Variants in CCSER1 observed in about 807,000 individuals in gnomAD.
The protein encoded by CCSER1 is serine-rich coiled-coil domain-containing protein 1.
CCSER1 carries 41 observed loss-of-function variants against 82.0 expected under a neutral mutation model. That is an observed-to-expected ratio of 0.50 (90% CI 0.39 to 0.65). CCSER1 has a LOEUF of 0.65. CCSER1 is among the 30% of genes least tolerant of loss of function. CCSER1 has a pLI of 0.00. For missense variants in CCSER1, 1,119 were observed against 1,064.2 expected (o/e 1.05, Z -0.72); for synonymous variants, 414 against 383.9 (o/e 1.08, Z -0.92).
intron 1 of CCSER1, among the ~76,000 whole-genome samples, chr4:90,131,121 C>A (rs909491196): frequency 6.6e-6 from 1 of 152,158 alleles, no homozygotes; most frequent in Admixed American, 6.5e-5. Context: ...CCTCAGCTCC[C>A]TGAGTAGCTG....
intron 5 of CCSER1, among the ~76,000 whole-genome samples, chr4:90,607,844 C>G (rs938266430): frequency 6.6e-6 from 1 of 152,094 alleles, no homozygotes; most frequent in African/African-American, 2.4e-5. Flanking sequence ...TTCAACTTGC[C>G]TTTTCCCTTC....
intron 4 of CCSER1, among the ~76,000 whole-genome samples, chr4:90,402,487 G>A (rs1412868179): frequency 1.3e-5 from 2 of 152,136 alleles, no homozygotes; most frequent in Non-Finnish European, 2.9e-5. Context: ...ACAAGTATGA[G>A]TAAGGAAATA....
At chr4:90,914,131 G>C (rs1161355489) in intron 8 of CCSER1, among the ~76,000 whole-genome samples, 1 of 152,148 alleles carries the variant, frequency 6.6e-6, no homozygotes, top group Non-Finnish European at 1.5e-5. Flanking sequence ...ATTCAGCTGT[G>C]CACCAAGTGG....
chr4:91,127,341 C>G (rs894742553), intron 10 of CCSER1, among the ~76,000 whole-genome samples: 2 of 152,036 alleles, frequency 1.3e-5, no homozygotes, highest in African/African-American at 4.8e-5. Flanking sequence ...ACTTCTACTT[C>G]AAAACAGGTT....
intron 9 of CCSER1, among the ~76,000 whole-genome samples, chr4:91,026,290 C>T (rs1740484071): frequency 6.6e-6 from 1 of 152,022 alleles, no homozygotes. Context: ...CCTTTTTCTC[C>T]TATGTCCATT....
intron 1 of CCSER1, among the ~76,000 whole-genome samples, chr4:90,252,924 G>A (rs953708460): frequency 9.3e-5 from 14 of 151,320 alleles, no homozygotes; most frequent in African/African-American, 2.7e-4. Flanking sequence ...TACTTTCTTC[G>A]TTTTTGCATC....
At chr4:90,939,076 G>A (rs1731290832) in intron 9 of CCSER1, among the ~76,000 whole-genome samples, 1 of 152,038 alleles carries the variant, frequency 6.6e-6, no homozygotes, top group African/African-American at 2.4e-5. Flanking sequence ...GGTCTCCCTT[G>A]TTATAGTCTT....
intron 10 of CCSER1, among the ~76,000 whole-genome samples, chr4:91,524,030 C>G (rs1760646943): frequency 6.6e-6 from 1 of 152,186 alleles, no homozygotes; most frequent in Admixed American, 6.5e-5. Flanking sequence ...GTTTTACAAA[C>G]TGCCTTTTCA....
intron 10 of CCSER1, among the ~76,000 whole-genome samples, chr4:91,327,625 T>C (rs1746663412): frequency 6.6e-6 from 1 of 152,254 alleles, no homozygotes; most frequent in African/African-American, 2.4e-5. Context: ...ATTTCTGTAG[T>C]TGACTTGAAT....
intron 5 of CCSER1, among the ~76,000 whole-genome samples, chr4:90,612,400 T>A (rs1439241536): frequency 6.6e-6 from 1 of 152,154 alleles, no homozygotes; most frequent in East Asian, 1.9e-4. Flanking sequence ...CAGCCATCAG[T>A]TTTAGCCTTT....
chr4:91,574,725 G>A (rs953680861), intron 10 of CCSER1, among the ~76,000 whole-genome samples: 5 of 151,972 alleles, frequency 3.3e-5, no homozygotes, highest in Admixed American at 6.6e-5. Flanking sequence ...TAGACATTAG[G>A]GACTACCAGG....
At chr4:90,192,115 T>C (rs997937385) in intron 1 of CCSER1, among the ~76,000 whole-genome samples, 4 of 152,056 alleles carry the variant, frequency 2.6e-5, no homozygotes, top group Non-Finnish European at 4.4e-5. Context: ...ATTGGACTTA[T>C]GGTTCCACGT....
At chr4:90,415,965 A>G (rs569899014) in intron 4 of CCSER1, among the ~76,000 whole-genome samples, 1 of 152,266 alleles carries the variant, frequency 6.6e-6, no homozygotes, top group South Asian at 2.1e-4. Context: ...ATCATTGGCA[A>G]TTTATAGCTG....
intron 1 of CCSER1, among the ~76,000 whole-genome samples, chr4:90,167,349 A>C (rs549712006): frequency 6.6e-6 from 1 of 152,154 alleles, no homozygotes; most frequent in African/African-American, 2.4e-5. Context: ...ATTTATAAGA[A>C]TATTGTCAAT....
chr4:91,163,890 G>C (rs1424748324), intron 10 of CCSER1, among the ~76,000 whole-genome samples: 1 of 151,996 alleles, frequency 6.6e-6, no homozygotes, highest in Non-Finnish European at 1.5e-5. Context: ...TCCAATTTGG[G>C]AGTCTGTGTC....
intron 10 of CCSER1, among the ~76,000 whole-genome samples, chr4:91,378,841 G>A (rs1206566673): frequency 1.3e-5 from 2 of 152,124 alleles, no homozygotes; most frequent in Non-Finnish European, 2.9e-5. Flanking sequence ...TTTTCAAAGG[G>A]AATGCTTCCA....
chr4:91,299,386 T>C (rs1354485146), intron 10 of CCSER1, among the ~76,000 whole-genome samples: 2 of 152,068 alleles, frequency 1.3e-5, no homozygotes, highest in Admixed American at 6.6e-5. Context: ...GGCCCAACTA[T>C]ACCTTTTTGG....
At chr4:91,521,441 T>C (rs534821468) in intron 10 of CCSER1, among the ~76,000 whole-genome samples, 76 of 152,332 alleles carry the variant, frequency 5.0e-4, no homozygotes, top group African/African-American at 1.4e-3. Context: ...TCTAGATCCT[T>C]GAGGAAATGG....
intron 6 of CCSER1, among the ~76,000 whole-genome samples, chr4:90,703,957 C>G (rs533078626): frequency 6.6e-6 from 1 of 152,266 alleles, no homozygotes; most frequent in Admixed American, 6.5e-5. Context: ...TCAATTGGAG[C>G]ATTTAGCCCA....
Sources: allele counts gnomAD v4.1 joint callset (sites outside exome capture counted in the v4.1 genomes callset), GRCh38; gene constraint gnomAD v4.1.1; transcripts MANE v1.5; gene names NCBI Gene and HGNC (gene_info 2026-07-23, HGNC 2026-07-21).